The following BCL11B variants were observed in gnomAD, a reference collection of about 807,000 sequenced individuals.
BCL11B encodes the protein B-cell lymphoma/leukemia 11B.
Under a neutral mutation model 49.9 loss-of-function variants are expected in BCL11B, and 8 were observed. That is an observed-to-expected ratio of 0.16 (90% CI 0.09 to 0.29). BCL11B has a LOEUF of 0.29. BCL11B is among the 10% of genes least tolerant of loss of function. BCL11B has a pLI of 1.00. For missense variants in BCL11B, 1,006 were observed against 1,351.0 expected, an observed-to-expected ratio of 0.74 and a Z score of 4.00; for synonymous variants, 739 against 637.4, an observed-to-expected ratio of 1.16 and a Z score of -2.40.
chr14:99,230,712 C>T (rs965212432), intron 3 of BCL11B, among the ~76,000 whole-genome samples: 51 of 152,268 alleles, frequency 3.3e-4, no homozygotes, highest in Admixed American at 2.3e-3. Context: ...CAGGATGAGT[C>T]GGCACAAACA....
rs192532313 is a variant in BCL11B at position 99,255,913 on chromosome 14, C to A, written c.427+1558G>T. ...GTATGAGACACTTCATGCTAGGGCA[C>A]CCATCAGAAGGCAAGGCCCAGAGGC... is the stretch of plus-strand genomic sequence containing the variant. On this transcript the variant is annotated intron_variant, in intron 2 of 3. Coordinates refer to ENST00000357195, the MANE Select transcript of BCL11B (RefSeq NM_138576.4). Among the ~76,000 whole-genome samples the A allele has an allele frequency of 6.6e-5, 10 of 152,298 alleles. No homozygotes were observed. In the East Asian group the frequency reaches 1.9e-3, roughly 29 times the overall value.
At chr14:99,208,944 C>T (rs1002883257) in intron 3 of BCL11B, among the ~76,000 whole-genome samples, 33 of 152,146 alleles carry the variant, frequency 2.2e-4, no homozygotes, top group African/African-American at 7.2e-4. Context: ...CCTCGAGCCC[C>T]CAAGAAGTGG....
In BCL11B at chr14:99,213,528, T is replaced by C. The variant is rs1045176167; in HGVS notation, c.640+17817A>G. On this transcript the variant is annotated intron_variant, in intron 3 of 3. Coordinates refer to ENST00000357195, the MANE Select transcript of BCL11B (RefSeq NM_138576.4). The surrounding 1 kb of genome is among the most constrained non-coding windows in gnomAD (Gnocchi z 5.1). The stretch of plus-strand genomic sequence containing the variant: ...TCTGAGGAATCTGGGCTCAGGGAAA[T>C]ATTGTCTAAGAAACACTCATTTTAC... Among the ~76,000 whole-genome samples the C allele has an allele frequency of 1.3e-5, 2 of 152,040 alleles. No individual in the cohort carries two copies. Among genetic ancestry groups the C allele is most frequent in the Non-Finnish European group, 2.9e-5 (2 of 68,010 alleles).
rs370248138 is a variant in BCL11B at position 99,224,696 on chromosome 14, A to G, written c.640+6649T>C. On this transcript the variant is annotated intron_variant, in intron 3 of 3. Transcript: ENST00000357195. ...ATGGTAGCTGTTCATGGGACCTGCC[A>G]GTAGAGGGATGGTAAGCAAGTACTT... Among the ~76,000 whole-genome samples the G allele has an allele frequency of 1.4e-4, 21 of 152,256 alleles. No homozygotes were observed. The East Asian group carries it at 2.7e-3, about 20-fold the overall frequency.
chr14:99,234,653 G>A (rs777473246), intron 2 of BCL11B, among the ~76,000 whole-genome samples: 137 of 152,086 alleles, frequency 9.0e-4, no homozygotes, highest in Non-Finnish European at 1.6e-3. Context: ...AGCCAGAGCC[G>A]GAGATCCAGG....
At chr14:99,237,379 C>G (rs1184304992) in intron 2 of BCL11B, among the ~76,000 whole-genome samples, 1 of 152,100 alleles carries the variant, frequency 6.6e-6, no homozygotes, top group Admixed American at 6.5e-5. Flanking sequence ...AGTGAACACG[C>G]AGGTTACCAT....
rs556062825 is a variant in BCL11B at position 99,241,857 on chromosome 14, T to C, written c.428-10300A>G. Among the ~76,000 whole-genome samples the C allele has an allele frequency of 5.3e-5, 8 of 152,326 alleles. No homozygotes were observed. The highest frequency in any genetic ancestry group is 1.7e-4 in the African/African-American group (7 of 41,568). On this transcript the variant is annotated intron_variant, in intron 2 of 3. Coordinates refer to ENST00000357195, the MANE Select transcript of BCL11B (RefSeq NM_138576.4). This position sits in a 1 kb window ranked among gnomAD's most constrained non-coding sequence, Gnocchi z 4.4. ...CCTCATTTGACAAAACTACTATTTC[T>C]GGGCATGTGGTCAAAAGCAGGTAGG...
intron 2 of BCL11B, among the ~76,000 whole-genome samples, chr14:99,253,733 C>T (rs908138439): frequency 2.0e-5 from 3 of 152,142 alleles, no homozygotes; most frequent in East Asian, 1.9e-4. Flanking sequence ...GGCAGCGCCA[C>T]GTGCTCTTTG....
chr14:99,216,318 G>A (rs186493020), intron 3 of BCL11B, among the ~76,000 whole-genome samples: 1 of 152,304 alleles, frequency 6.6e-6, no homozygotes, highest in Middle Eastern at 3.4e-3. Flanking sequence ...ACTGCTAGCC[G>A]CCCACTCTCA....
At position 99,231,991 on chromosome 14, in the gene BCL11B, T is replaced by A. The variant is rs1218784073; in HGVS notation, c.428-434A>T. On this transcript the variant is annotated intron_variant, in intron 2 of 3. Transcript: ENST00000357195. The surrounding 1 kb of genome is among the most constrained non-coding windows in gnomAD (Gnocchi z 8.1). ...GAGCTGGGAAGCTCACAGCCTCCCC[T>A]GTTTGCTGTATCAGGATGGGCTGTT... Among the ~76,000 whole-genome samples, 2 of 152,080 alleles carry A rather than the reference T, an allele frequency of 1.3e-5. No homozygotes were observed. The highest frequency in any genetic ancestry group is 2.9e-5 in the Non-Finnish European group (2 of 67,966).
At chr14:99,199,301 C>G (rs1321979267) in intron 3 of BCL11B, among the ~76,000 whole-genome samples, 1 of 152,172 alleles carries the variant, frequency 6.6e-6, no homozygotes, top group African/African-American at 2.4e-5. Flanking sequence ...ATAAATACCA[C>G]TGAATTACAG....
intron 1 of BCL11B, among the ~76,000 whole-genome samples, chr14:99,267,623 GAC>G (rs1050242906): frequency 7.3e-5 from 11 of 150,322 alleles, no homozygotes; most frequent in Non-Finnish European, 1.6e-4. Flanking sequence ...AATTCTGAAA[GAC>G]ATGTGGACCA....
rs1232053258 is a variant in BCL11B at position 99,271,291 on chromosome 14, C to CGCCGCCGCGCCGCT, written c.-87_-74dup. The CGCCGCCGCGCCGCT allele has an allele frequency of 3.8e-5, 39 of 1,029,704 alleles. No homozygotes were observed. In the African/African-American group the frequency reaches 6.0e-4, roughly 16 times the overall value. 63.8% of individuals were successfully genotyped at this position (1,029,704 alleles called of 1,614,324 possible). On this transcript the variant is annotated 5_prime_UTR_variant, in exon 1 of 4. Coordinates refer to ENST00000357195, the MANE Select transcript of BCL11B (RefSeq NM_138576.4). ...GGGAGCCGGGGGAGGGGGTCCGAGCCGCCGCCGCGCCGCTGCCGCCGCTGC... is the reference window on the plus strand; with the variant it reads ...GGGAGCCGGGGGAGGGGGTCCGAGCCGCCGCCGCGCCGCTGCCGCCGCGCCGCTGCCGCCGCTGC...
chr14:99,271,130 G>C (rs775569869), intron 1 of BCL11B, 31 bp downstream of exon 1: 14 of 1,529,894 alleles, frequency 9.2e-6, no homozygotes, highest in Non-Finnish European at 1.2e-5. Flanking sequence ...CCCCATCTCC[G>C]GCCCCTCGCG....
chr14:99,261,772 G>A (rs779926855), intron 1 of BCL11B, among the ~76,000 whole-genome samples: 6 of 152,190 alleles, frequency 3.9e-5, no homozygotes, highest in Non-Finnish European at 7.3e-5. Flanking sequence ...TCATTAAGAG[G>A]AAAAATGAAT....
intron 3 of BCL11B, among the ~76,000 whole-genome samples, chr14:99,225,569 T>A (rs1362642810): frequency 6.6e-6 from 1 of 152,048 alleles, no homozygotes; most frequent in East Asian, 1.9e-4. Context: ...ACACATGCTA[T>A]CTTATTGCCA....
intron 2 of BCL11B, among the ~76,000 whole-genome samples, chr14:99,249,874 TCC>T (rs1888954120): frequency 6.6e-6 from 1 of 152,048 alleles, no homozygotes; most frequent in Non-Finnish European, 1.5e-5. Flanking sequence ...GTGCCTGTAA[TCC>T]CAACAGTTTG....
chr14:99,235,440 A>G (rs147268786), intron 2 of BCL11B, among the ~76,000 whole-genome samples: 1 of 152,316 alleles, frequency 6.6e-6, no homozygotes, highest in African/African-American at 2.4e-5. Context: ...CAAGACATTA[A>G]TTCTCACAAG....
At position 99,169,572 on chromosome 14, in the gene BCL11B, C is replaced by T. The variant is rs1886221642; in HGVS notation, c.*4579G>A. 4.8e-6 allele frequency: 1 copy of T among 207,744 alleles called. No homozygotes were observed. Among genetic ancestry groups the T allele is most frequent in the South Asian group, 1.9e-4 (1 of 5,314 alleles). The allele number at this position is 207,744 out of a possible 1,614,324, so 12.9% of individuals were successfully genotyped here. On this transcript the variant is annotated 3_prime_UTR_variant, in exon 4 of 4. Transcript: ENST00000357195. Reference sequence around the variant, plus strand: ...AATACCAAGCAATAATAAATAGTTCCAAACTTGTAGTAAAAGACAAAACCT... The same window carrying T: ...AATACCAAGCAATAATAAATAGTTCTAAACTTGTAGTAAAAGACAAAACCT...
Sources: allele counts gnomAD v4.1 joint callset (sites outside exome capture counted in the v4.1 genomes callset), GRCh38; gene constraint gnomAD v4.1.1; non-coding constraint Gnocchi (gnomAD v3.1); transcripts MANE v1.5; gene names NCBI Gene and HGNC (gene_info 2026-07-23, HGNC 2026-07-21).